Variants in HEATR5A observed in about 807,000 individuals in gnomAD.
HEATR5A encodes HEAT repeat-containing protein 5A.
A neutral mutation model predicts 218.8 loss-of-function variants in HEATR5A; 178 were observed. That is an observed-to-expected ratio of 0.81 (90% CI 0.72 to 0.92). HEATR5A has a LOEUF of 0.92. Among genes scored for constraint, HEATR5A ranks in the 40% least tolerant of loss-of-function variants. HEATR5A has a pLI of 0.00. For missense variants in HEATR5A, 2,420 were observed against 2,418.9 expected (o/e 1.00, Z -0.01); for synonymous variants, 864 against 871.6 (o/e 0.99, Z 0.15).
chr14:31,387,861 G>A (rs1169562793), intron 7 of HEATR5A, among the ~76,000 whole-genome samples: 1 of 152,152 alleles, frequency 6.6e-6, no homozygotes, highest in African/African-American at 2.4e-5. Context: ...CACCCGGCCT[G>A]AAGTGCATAG....
chr14:31,306,776 C>T lies in HEATR5A; in HGVS notation c.4922G>A (p.Cys1641Tyr). Residue 1641 changes from cysteine to tyrosine, a missense_variant, in exon 31 of 36, where the codon TGT becomes TAT. Coordinates refer to ENST00000543095, the MANE Select transcript of HEATR5A (RefSeq NM_015473.4). Reference sequence around the variant, plus strand: ...TTCCTTCACATGTTCTTGAGCAGCACAGATAATCTGCCTTACCACTTCAAG... The same window carrying T: ...TTCCTTCACATGTTCTTGAGCAGCATAGATAATCTGCCTTACCACTTCAAG... ...ASLEVVRQII[C>Y]AAQEHVKEKR... The T allele has an allele frequency of 6.2e-7, 1 of 1,613,636 alleles. No individual in the cohort carries two copies. Among genetic ancestry groups the T allele is most frequent in the Non-Finnish European group, 8.5e-7 (1 of 1,179,710 alleles).
chr14:31,328,095 T>A (rs771226931), intron 22 of HEATR5A, among the ~76,000 whole-genome samples: 3 of 152,094 alleles, frequency 2.0e-5, no homozygotes, highest in Non-Finnish European at 4.4e-5. Context: ...ATTACAGGCA[T>A]GTGCTACCAT....
At chr14:31,360,327 G>C (rs1160619551) in intron 14 of HEATR5A, among the ~76,000 whole-genome samples, 1 of 152,022 alleles carries the variant, frequency 6.6e-6, no homozygotes, top group Non-Finnish European at 1.5e-5. Context: ...AGCTTAATTT[G>C]TTCTTCTATC....
intron 11 of HEATR5A, among the ~76,000 whole-genome samples, chr14:31,378,542 C>T (rs1428043715): frequency 6.6e-6 from 1 of 152,112 alleles, no homozygotes; most frequent in African/African-American, 2.4e-5. Flanking sequence ...AATCCCAGCG[C>T]TTTGGGAGGC....
chr14:31,312,459 C>T (rs1899787955), intron 28 of HEATR5A, among the ~76,000 whole-genome samples: 1 of 150,042 alleles, frequency 6.7e-6, no homozygotes, highest in Non-Finnish European at 1.5e-5. Context: ...GTCACCTAGG[C>T]TGGAGTGCAG....
At chr14:31,411,097 G>C (rs1451146174) in intron 1 of HEATR5A, among the ~76,000 whole-genome samples, 1 of 152,058 alleles carries the variant, frequency 6.6e-6, no homozygotes, top group Non-Finnish European at 1.5e-5. Flanking sequence ...TTTTAGAAAA[G>C]CTGATAGTTT....
In HEATR5A at chr14:31,374,904, T is replaced by C; in HGVS notation, c.1773A>G (p.Ala591=). ...TTTCTGTTTCTAGATCTTTAGGAGA[T>C]GCTGGAAAGACACACTTCCACAACA... The part of the protein sequence containing the change: ...VLLLWKCVFP[A]SPKDLETEKS... The change falls in exon 12 of 36, where the codon GCA becomes GCG. Residue 591 remains alanine, a synonymous_variant. Coordinates refer to ENST00000543095, the MANE Select transcript of HEATR5A (RefSeq NM_015473.4). 1 of 1,613,276 alleles carries C rather than the reference T, an allele frequency of 6.2e-7. No homozygotes were observed. Among genetic ancestry groups the C allele is most frequent in the East Asian group, 2.2e-5 (1 of 44,854 alleles).
Position 31,313,071 on chromosome 14 carries a change from G to A in HEATR5A, c.4338C>T (p.Val1446=). The change falls in exon 28 of 36, where the codon GTC becomes GTT. Residue 1446 remains valine, a synonymous_variant. Transcript: ENST00000543095. ...SCSSDGLLDL[V]YADLGTLSRL... ...TGCTTAGTGTGCCAAGATCTGCATA[G>A]ACTAAGTCAAGCAGTCCATCTGATG... The A allele has an allele frequency of 6.2e-7, 1 of 1,613,678 alleles. No individual in the cohort carries two copies. Among genetic ancestry groups the A allele is most frequent in the Non-Finnish European group, 8.5e-7 (1 of 1,179,622 alleles).
intron 22 of HEATR5A, among the ~76,000 whole-genome samples, chr14:31,329,415 C>T (rs371312121): frequency 1.9e-4 from 29 of 152,310 alleles, no homozygotes; most frequent in African/African-American, 6.3e-4. Context: ...TGGGTAAATA[C>T]TCTTGTCCCA....
intron 26 of HEATR5A, 113 bp from the exon 27 acceptor site, chr14:31,316,062 C>T (rs1899902353): frequency 1.3e-6 from 1 of 753,202 alleles, no homozygotes; most frequent in Non-Finnish European, 2.0e-6. Flanking sequence ...GCAGGCAGAT[C>T]GCTTGAGCCC....
At chr14:31,361,854 G>C (rs949969691) in intron 14 of HEATR5A, among the ~76,000 whole-genome samples, 1 of 152,076 alleles carries the variant, frequency 6.6e-6, no homozygotes, top group Non-Finnish European at 1.5e-5. Context: ...CAATTCTTAA[G>C]TACATTCCAC....
intron 14 of HEATR5A, 90 bp from the exon 15 acceptor site, chr14:31,359,147 C>T (rs959331779): frequency 3.3e-6 from 4 of 1,230,154 alleles, no homozygotes; most frequent in African/African-American, 3.1e-5. Context: ...TTAATGCACC[C>T]ACTGGCCAAC....
At chr14:31,378,075 G>C (rs903193386) in intron 11 of HEATR5A, among the ~76,000 whole-genome samples, 1 of 152,144 alleles carries the variant, frequency 6.6e-6, no homozygotes, top group Non-Finnish European at 1.5e-5. Flanking sequence ...CAATACGGCA[G>C]GCATGAACAC....
chr14:31,323,334 A>C (rs1380146424), intron 24 of HEATR5A, among the ~76,000 whole-genome samples: 1 of 152,012 alleles, frequency 6.6e-6, no homozygotes, highest in Admixed American at 6.6e-5. Context: ...CTAATTAAAA[A>C]AATTTTTTTA....
intron 26 of HEATR5A, among the ~76,000 whole-genome samples, chr14:31,316,449 A>G (rs1899915779): frequency 6.6e-6 from 1 of 152,216 alleles, no homozygotes; most frequent in African/African-American, 2.4e-5. Flanking sequence ...ATGATAGTCA[A>G]AAGTCAGCAT....
intron 26 of HEATR5A, among the ~76,000 whole-genome samples, 178 bp from the exon 27 acceptor site, chr14:31,316,127 C>T (rs997467065): frequency 1.3e-5 from 2 of 151,896 alleles, no homozygotes; most frequent in Non-Finnish European, 2.9e-5. Flanking sequence ...AAAGAAAATA[C>T]AAAAATTAGC....
At chr14:31,395,378 A>C (rs748551598) in intron 4 of HEATR5A, 30 bp from the exon 5 acceptor site, 1 of 1,274,246 alleles carries the variant, frequency 7.8e-7, no homozygotes, top group South Asian at 1.4e-5. Context: ...TTAAATAGGA[A>C]AAATAATTAA....
intron 22 of HEATR5A, among the ~76,000 whole-genome samples, chr14:31,330,251 G>A (rs2139180678): frequency 6.6e-6 from 1 of 152,284 alleles, no homozygotes; most frequent in South Asian, 2.1e-4. Context: ...CCAACACCAT[G>A]TAGAAGCTGC....
rs1899045807 is a variant in HEATR5A at position 31,291,933 on chromosome 14, A to T, written c.*1372T>A. On this transcript the variant is annotated 3_prime_UTR_variant, in exon 36 of 36. Transcript: ENST00000543095. ...AGGTACATCACATTGTTCTTGCTTCAAAATGTCTTCTCAATTCTGACATGC... is the reference window on the plus strand; with the variant it reads ...AGGTACATCACATTGTTCTTGCTTCTAAATGTCTTCTCAATTCTGACATGC... 6.6e-6 allele frequency: 1 copy of T among 152,218 alleles called. No homozygotes were observed. Among genetic ancestry groups the T allele is most frequent in the Non-Finnish European group, 1.5e-5 (1 of 68,038 alleles). 9.4% of individuals were successfully genotyped at this position (152,218 alleles called of 1,614,324 possible).
Sources: gnomAD v4.1 joint callset for allele counts (sites outside exome capture counted in the v4.1 genomes callset) on GRCh38, gnomAD v4.1.1 for gene constraint, MANE v1.5 for transcripts, NCBI Gene and HGNC (gene_info 2026-07-23, HGNC 2026-07-21) for gene names.